GNAS-AS1: variants seen among roughly 807,000 people sequenced by gnomAD.
GNAS-AS1 encodes GNAS antisense RNA 1, also known as GNAS antisense RNA 1 (non-protein coding).
intron 4 of GNAS-AS1, chr20:58,839,194 T>A: frequency 2.5e-6 from 1 of 398,588 alleles, no homozygotes; most frequent in Non-Finnish European, 4.4e-6. Context: ...GATGAGGTAA[T>A]TAGCCAATTC....
In GNAS-AS1 at chr20:58,840,878, T is replaced by G. The variant is rs760203169; in HGVS notation, n.819+1059A>C. 5 of 1,612,676 alleles carry G rather than the reference T, an allele frequency of 3.1e-6. No homozygotes were observed. The highest frequency in any genetic ancestry group is 4.2e-6 in the Non-Finnish European group (5 of 1,179,924). On this transcript the variant is annotated intron_variant and non_coding_transcript_variant, in intron 4 of 4. Transcript: ENST00000424094. The surrounding 1 kb of genome is among the most constrained non-coding windows in gnomAD (Gnocchi z 6.0). The stretch of plus-strand genomic sequence containing the variant: ...GCCGTCCAGATTCTCCTTGTTTTCA[T>G]GGATTCAGGTTAGTTGCCCACCGCT...
intron 4 of GNAS-AS1, among the ~76,000 whole-genome samples, chr20:58,820,796 G>A (rs2085481374): frequency 6.6e-6 from 1 of 152,202 alleles, no homozygotes; most frequent in African/African-American, 2.4e-5. Context: ...GATCTCATGA[G>A]ACTCGCTATC....
chr20:58,836,069 G>T (rs980014664), intron 4 of GNAS-AS1, among the ~76,000 whole-genome samples: 1 of 152,142 alleles, frequency 6.6e-6, no homozygotes, highest in East Asian at 1.9e-4. Context: ...AAAAGTGGGG[G>T]CGGGGGGGAG....
Position 58,841,507 on chromosome 20 carries a change from G to T in GNAS-AS1, n.819+430C>A. 1.0e-6 allele frequency: 1 copy of T among 991,910 alleles called. No homozygotes were observed. Among genetic ancestry groups the T allele is most frequent in the Non-Finnish European group, 1.2e-6 (1 of 834,626 alleles). 61.4% of individuals were successfully genotyped at this position (991,910 alleles called of 1,614,324 possible). A position where few individuals can be genotyped will look rare whatever the true frequency, so the allele number is the denominator to read the frequency against. On this transcript the variant is annotated intron_variant and non_coding_transcript_variant, in intron 4 of 4. Transcript: ENST00000424094. The surrounding 1 kb of genome is among the most constrained non-coding windows in gnomAD (Gnocchi z 5.0). Reference sequence around the variant, plus strand: ...CCCAGAGCTGACAATTAAGCCGCGGGACCTCCGCGCCAGTGCCTCCAGCTG... The same window carrying T: ...CCCAGAGCTGACAATTAAGCCGCGGTACCTCCGCGCCAGTGCCTCCAGCTG...
At chr20:58,822,800 G>A (rs2085495108) in intron 4 of GNAS-AS1, among the ~76,000 whole-genome samples, 1 of 152,024 alleles carries the variant, frequency 6.6e-6, no homozygotes, top group Non-Finnish European at 1.5e-5. Context: ...AGGCCCCGGA[G>A]TGGAAAGCAG....
At chr20:58,850,338 G>A (rs2086108382) in intron 1 of GNAS-AS1, among the ~76,000 whole-genome samples, 2 of 152,150 alleles carry the variant, frequency 1.3e-5, no homozygotes, top group South Asian at 2.1e-4. Flanking sequence ...TGCTCCCCTG[G>A]CAAAGCTCAT....
At chr20:58,835,483 A>C (rs1181809083) in intron 4 of GNAS-AS1, among the ~76,000 whole-genome samples, 1 of 152,164 alleles carries the variant, frequency 6.6e-6, no homozygotes, top group Non-Finnish European at 1.5e-5. Flanking sequence ...AGCAATTCTC[A>C]TGGGCTTTTA....
At chr20:58,839,556 C>T (rs896316451) in intron 4 of GNAS-AS1, 15 of 405,528 alleles carry the variant, frequency 3.7e-5, no homozygotes, top group African/African-American at 2.9e-4. Context: ...GGCCCCCCGC[C>T]CATCGCTTCG....
chr20:58,833,621 AC>A (rs1228887297), intron 4 of GNAS-AS1, among the ~76,000 whole-genome samples: 1 of 152,138 alleles, frequency 6.6e-6, no homozygotes, highest in African/African-American at 2.4e-5. Flanking sequence ...CCAAGTATCC[AC>A]CACAAGGAAG....
intron 4 of GNAS-AS1, among the ~76,000 whole-genome samples, chr20:58,836,000 AC>A (rs2085600325): frequency 6.6e-6 from 1 of 151,506 alleles, no homozygotes; most frequent in Admixed American, 6.6e-5. Flanking sequence ...TAAAACTGCC[AC>A]CCCAACACTC....
intron 4 of GNAS-AS1, chr20:58,826,242 C>T (rs1023218285): frequency 2.5e-5 from 10 of 394,850 alleles, no homozygotes; most frequent in Non-Finnish European, 4.0e-5. Context: ...TGAACATATA[C>T]ATTTTTTTGC....
chr20:58,840,439 CGA>C lies in GNAS-AS1; in HGVS notation n.819+1496_819+1497del. The stretch of plus-strand genomic sequence containing the variant: ...ACGAGGAAGAGTTCGACTACGAGAC[CGA>C]GAGCGAGACCGAGTCCGAAATCGAG... On this transcript the variant is annotated intron_variant and non_coding_transcript_variant, in intron 4 of 4. Transcript: ENST00000424094. The surrounding 1 kb of genome is among the most constrained non-coding windows in gnomAD (Gnocchi z 6.0). The C allele has an allele frequency of 6.2e-7, 1 of 1,613,346 alleles. No individual in the cohort carries two copies. The highest frequency in any genetic ancestry group is 2.2e-5 in the East Asian group (1 of 44,846).
At chr20:58,822,020 G>A (rs1241878494) in intron 4 of GNAS-AS1, among the ~76,000 whole-genome samples, 1 of 152,200 alleles carries the variant, frequency 6.6e-6, no homozygotes, top group Non-Finnish European at 1.5e-5. Flanking sequence ...GAGGCCGAGG[G>A]ATGCACAGAC....
chr20:58,831,021 CAT>C (rs1466017017), intron 4 of GNAS-AS1, among the ~76,000 whole-genome samples: 1 of 152,278 alleles, frequency 6.6e-6, no homozygotes, highest in East Asian at 1.9e-4. Flanking sequence ...CAACGCAAGG[CAT>C]AGACAAAGGA....
intron 2 of GNAS-AS1, chr20:58,844,083 G>A (rs993508631): frequency 6.6e-6 from 1 of 152,176 alleles, no homozygotes; most frequent in Non-Finnish European, 1.5e-5. Flanking sequence ...TGGTAAGAAT[G>A]AGGTTTTTTG....
chr20:58,830,357 C>T lies in GNAS-AS1; in HGVS notation n.820-11102G>A, dbSNP rs543306114. Among the ~76,000 whole-genome samples the T allele has an allele frequency of 5.8e-3, 838 of 143,276 alleles. 13 individuals carry two copies. The highest frequency in any genetic ancestry group is 0.02 in the African/African-American group (782 of 38,312). 94.0% of individuals were successfully genotyped at this position (143,276 alleles called of 152,430 possible). A position where few individuals can be genotyped will look rare whatever the true frequency, so the allele number is the denominator to read the frequency against. The stretch of plus-strand genomic sequence containing the variant: ...ACCACCATCACCACCACACCACCAT[C>T]ACCACCACCACAACACCATCACCAC... On this transcript the variant is annotated intron_variant and non_coding_transcript_variant, in intron 4 of 4. Transcript: ENST00000424094.
At chr20:58,845,166 G>A (rs570656634) in intron 2 of GNAS-AS1, among the ~76,000 whole-genome samples, 2 of 152,196 alleles carry the variant, frequency 1.3e-5, no homozygotes, top group Non-Finnish European at 2.9e-5. Context: ...AACCACTGTG[G>A]GGGACGGCAG....
intron 4 of GNAS-AS1, among the ~76,000 whole-genome samples, chr20:58,833,145 T>C (rs1462612181): frequency 6.6e-6 from 1 of 152,268 alleles, no homozygotes; most frequent in East Asian, 1.9e-4. Context: ...TTAAGTCAAA[T>C]CTCACATGCC....
intron 2 of GNAS-AS1, chr20:58,848,742 C>T (rs1236318499): frequency 5.1e-6 from 2 of 394,646 alleles, no homozygotes; most frequent in African/African-American, 4.1e-5. Context: ...CGATCACCCC[C>T]AGCTCTTACT....
Sources: gnomAD v4.1 joint callset for allele counts (sites outside exome capture counted in the v4.1 genomes callset) on GRCh38, gnomAD v4.1.1 for gene constraint, Gnocchi (gnomAD v3.1) non-coding constraint, MANE v1.5 for transcripts, NCBI Gene and HGNC (gene_info 2026-07-23, HGNC 2026-07-21) for gene names.